Variants in SLK observed in about 807,000 individuals in gnomAD.
SLK encodes the protein STE20-like serine/threonine-protein kinase.
In SLK, 67 loss-of-function variants were observed where a neutral mutation model predicts 147.7. The ratio of observed to expected loss-of-function variants is 0.45; its 90% CI spans 0.37 to 0.56. The LOEUF (loss-of-function observed/expected upper bound fraction) is 0.56, where lower values mean the gene tolerates loss of function less well. SLK is among the 20% of genes least tolerant of loss of function. The pLI, the probability that SLK is intolerant of heterozygous loss-of-function variation, is 0.00. For missense variants in SLK, 1,136 were observed against 1,438.8 expected, an observed-to-expected ratio of 0.79 and a Z score of 3.41; for synonymous variants, 441 against 475.0, an observed-to-expected ratio of 0.93 and a Z score of 0.93.
chr10:103,993,275 T>C lies in SLK; in HGVS notation c.514+142T>C, dbSNP rs189226772. On this transcript the variant is annotated intron_variant, in intron 4 of 18. Coordinates refer to ENST00000369755, the MANE Select transcript of SLK (RefSeq NM_014720.4). ...TCCATGCTGGTTTTTAAAAAACACT[T>C]TTTTAGGTAAATACTCATTTTTCTA... The C allele has an allele frequency of 6.3e-5, 31 of 493,104 alleles. No homozygotes were observed. The Admixed American group carries it at 1.1e-3, about 17-fold the overall frequency. The allele number at this position is 493,104 out of a possible 1,614,324, so 30.5% of individuals were successfully genotyped here. A position where few individuals can be genotyped will look rare whatever the true frequency, so the allele number is the denominator to read the frequency against.
intron 2 of SLK, among the ~76,000 whole-genome samples, chr10:103,991,465 GTCTT>G (rs1165407536): frequency 3.9e-5 from 6 of 152,168 alleles, no homozygotes; most frequent in Middle Eastern, 6.8e-3. Flanking sequence ...TGCAGCTTCA[GTCTT>G]TCTTCCTGAA....
At chr10:104,001,334 C>T (rs1309313126) in intron 7 of SLK, 110 bp from the exon 8 acceptor site, 3 of 836,318 alleles carry the variant, frequency 3.6e-6, no homozygotes, top group East Asian at 2.5e-5. Context: ...TGTCATTTTC[C>T]TGCCCACATG....
chr10:104,009,990 T>C lies in SLK; in HGVS notation c.2785-826T>C, dbSNP rs1301048242. Among the ~76,000 whole-genome samples, 5 of 152,190 alleles carry C rather than the reference T, an allele frequency of 3.3e-5. No individual in the cohort carries two copies. The East Asian group carries it at 9.6e-4, about 29-fold the overall frequency. ...TTCTACTTGTAAACACATGATTGTT[T>C]TTCATAGTTGGATTACAGATCTATT... On this transcript the variant is annotated intron_variant, in intron 12 of 18. Transcript: ENST00000369755.
In SLK at chr10:104,015,493, T is replaced by C. The variant is rs1844451252; in HGVS notation, c.2878-2667T>C. ...TTTTCTGTGGTTTACTTTTGAACTT[T>C]TAAAAATGTGATACTAAGGGAAGGG... On this transcript the variant is annotated intron_variant, in intron 13 of 18. Coordinates refer to ENST00000369755, the MANE Select transcript of SLK (RefSeq NM_014720.4). Among the ~76,000 whole-genome samples the C allele has an allele frequency of 2.0e-5, 3 of 152,214 alleles. No homozygotes were observed. The South Asian group carries it at 6.2e-4, about 32-fold the overall frequency.
chr10:103,967,908 A>G lies in SLK; in HGVS notation c.150+13A>G. The G allele has an allele frequency of 1.9e-6, 3 of 1,612,312 alleles. No individual in the cohort carries two copies. Among genetic ancestry groups the G allele is most frequent in the Non-Finnish European group, 2.5e-6 (3 of 1,178,908 alleles). ...GAAAGTGTACAAGGTAAGAGGGGGA[A>G]AACGGGAAGTTGTACTGCGAAGGTA... On this transcript the variant is annotated intron_variant, in intron 1 of 18. Coordinates refer to ENST00000369755, the MANE Select transcript of SLK (RefSeq NM_014720.4).
chr10:103,998,937 C>T lies in SLK; in HGVS notation c.553C>T (p.Gln185Ter). 1 of 1,611,646 alleles carries T rather than the reference C, an allele frequency of 6.2e-7. No individual in the cohort carries two copies. ...GVSAKNTRTI[Q>*]RRDSFIGTPY... The stretch of plus-strand genomic sequence containing the variant: ...ATCAGCTAAAAACACGAGGACAATT[C>T]AAAGAAGAGATTCCTTTATTGGTAC... The change falls in exon 5 of 19, where the codon CAA (glutamine) becomes TAA (stop). Residue 185 changes from glutamine (Q) to a stop codon, truncating the protein, a stop_gained. Coordinates refer to ENST00000369755, the MANE Select transcript of SLK (RefSeq NM_014720.4). LOFTEE classifies it high-confidence loss of function.
chr10:103,967,974 C>G, intron 1 of SLK, 79 bp downstream of exon 1: 2 of 1,428,160 alleles, frequency 1.4e-6, no homozygotes, highest in Non-Finnish European at 2.0e-6. Flanking sequence ...ACTTCTGCTC[C>G]CCTGGTCCTT....
At chr10:103,990,992 TA>T (rs1844085755) in intron 2 of SLK, among the ~76,000 whole-genome samples, 153 bp downstream of exon 2, 1 of 152,186 alleles carries the variant, frequency 6.6e-6, no homozygotes, top group East Asian at 1.9e-4. Context: ...GATAAGAGAG[TA>T]ATAACAAAGT....
intron 1 of SLK, among the ~76,000 whole-genome samples, chr10:103,975,080 C>T (rs1179595389): frequency 6.6e-6 from 1 of 151,746 alleles, no homozygotes; most frequent in African/African-American, 2.4e-5. Context: ...TGTGGGAATT[C>T]CACAGGGCTT....
intron 9 of SLK, 145 bp downstream of exon 9, chr10:104,003,672 T>A: frequency 2.8e-6 from 2 of 723,406 alleles, no homozygotes; most frequent in Non-Finnish European, 4.3e-6. Flanking sequence ...TGAAAGCAAT[T>A]AAAAAGAACT....
chr10:104,019,789 G>T lies in SLK; in HGVS notation c.3188G>T (p.Arg1063Ile). 1 of 1,614,054 alleles carries T rather than the reference G, an allele frequency of 6.2e-7. No homozygotes were observed. Residue 1063 changes from arginine to isoleucine, a missense_variant, in exon 16 of 19, where the codon AGA (arginine) becomes ATA (isoleucine). Physicochemically the swap from Arg to Ile is moderately conservative, Grantham distance 97. Transcript: ENST00000369755. ...AGACTTATTGAGGAATTGAAAAACA[G>T]ACAGACTCAAGAAAGAGCAAGACTG... ...NQRLIEELKNRQTQERARLPK... is the reference protein window; with the variant it reads ...NQRLIEELKNIQTQERARLPK...
Position 104,003,533 on chromosome 10 carries a change from T to C in SLK, c.2349+6T>C, listed in dbSNP as rs1447375009. The C allele has an allele frequency of 6.5e-7, 1 of 1,528,468 alleles. No individual in the cohort carries two copies. The allele number at this position is 1,528,468 out of a possible 1,614,324, so 94.7% of individuals were successfully genotyped here. A position where few individuals can be genotyped will look rare whatever the true frequency, so the allele number is the denominator to read the frequency against. ...GTGGATCGATATCTTTACAAGTAAGTGTACATGAGTCATTGTTTGGGTTTT... is the reference window on the plus strand; with the variant it reads ...GTGGATCGATATCTTTACAAGTAAGCGTACATGAGTCATTGTTTGGGTTTT... On this transcript the variant is annotated splice_donor_region_variant and intron_variant, in intron 9 of 18. Coordinates refer to ENST00000369755, the MANE Select transcript of SLK (RefSeq NM_014720.4).
rs1589534179 is a variant in SLK, at chr10:103,995,445, T to G, written c.514+2312T>G. On this transcript the variant is annotated intron_variant, in intron 4 of 18. Transcript: ENST00000369755. ...TTTCTTTTTTTTTTTTTTTTTTTTT[T>G]GAGTCAAAGTCTTGCTCTGTTGCCC... 8.4e-5 allele frequency among the ~76,000 whole-genome samples: 12 copies of G among 143,284 alleles called. No homozygotes were observed. The South Asian group carries it at 2.7e-3, about 32-fold the overall frequency. The allele number at this position is 143,284 out of a possible 152,430, so 94.0% of individuals were successfully genotyped here. A position where few individuals can be genotyped will look rare whatever the true frequency, so the allele number is the denominator to read the frequency against.
chr10:103,998,865 G>C, intron 4 of SLK, 34 bp from the exon 5 acceptor site: 1 of 1,510,342 alleles, frequency 6.6e-7, no homozygotes. Context: ...ATGCTTAAAA[G>C]TTCTCATTAA....
At chr10:104,017,821 A>G (rs1358390794) in intron 13 of SLK, among the ~76,000 whole-genome samples, 1 of 152,196 alleles carries the variant, frequency 6.6e-6, no homozygotes, top group African/African-American at 2.4e-5. Context: ...TAGTCACACC[A>G]TAGTGGAATG....
intron 3 of SLK, among the ~76,000 whole-genome samples, 163 bp from the exon 4 acceptor site, chr10:103,992,821 G>C (rs1447757924): frequency 1.7e-5 from 1 of 60,420 alleles, no homozygotes; most frequent in Non-Finnish European, 4.7e-5. Context: ...AAAATGAAAT[G>C]TTGAGTGTGT....
Position 104,002,704 on chromosome 10 carries a change from A to G in SLK, c.1526A>G (p.Lys509Arg). Residue 509 changes from lysine to arginine, a missense_variant, in exon 9 of 19, where the codon AAA becomes AGA. Lys to Arg is a conservative substitution (Grantham distance 26). Coordinates refer to ENST00000369755, the MANE Select transcript of SLK (RefSeq NM_014720.4). ...VDLVSQETGEKEANIQAVDSE... is the reference protein window; with the variant it reads ...VDLVSQETGEREANIQAVDSE... ...TTAGTTTCTCAAGAGACTGGAGAAA[A>G]AGAGGCAAATATTCAGGCAGTTGAT... The G allele has an allele frequency of 6.2e-7, 1 of 1,612,124 alleles. No homozygotes were observed. Among genetic ancestry groups the G allele is most frequent in the Non-Finnish European group, 8.5e-7 (1 of 1,179,354 alleles).
chr10:103,967,641 G>T lies in SLK; in HGVS notation c.-105G>T, dbSNP rs1381467931. On this transcript the variant is annotated 5_prime_UTR_variant, in exon 1 of 19. Transcript: ENST00000369755. ...AGCTGCGGGGGCCGAGGGACGCCGCGCCCGCCGCCGCCAGCCGGGCTCGCG... is the reference window on the plus strand; with the variant it reads ...AGCTGCGGGGGCCGAGGGACGCCGCTCCCGCCGCCGCCAGCCGGGCTCGCG... The T allele has an allele frequency of 1.9e-5, 20 of 1,040,686 alleles. No individual in the cohort carries two copies. The highest frequency in any genetic ancestry group is 3.4e-5 in the African/African-American group (2 of 59,048). The allele number at this position is 1,040,686 out of a possible 1,614,324, so 64.5% of individuals were successfully genotyped here.
In SLK at chr10:104,002,707, A is replaced by T; in HGVS notation, c.1529A>T (p.Glu510Val). The T allele has an allele frequency of 6.2e-7, 1 of 1,612,222 alleles. No individual in the cohort carries two copies. The highest frequency in any genetic ancestry group is 8.5e-7 in the Non-Finnish European group (1 of 1,179,382). The change falls in exon 9 of 19, where the codon GAG becomes GTG. Residue 510 changes from glutamate to valine, a missense_variant. Physicochemically the swap from Glu to Val is moderately radical, Grantham distance 121. Coordinates refer to ENST00000369755, the MANE Select transcript of SLK (RefSeq NM_014720.4). ...GTTTCTCAAGAGACTGGAGAAAAAG[A>T]GGCAAATATTCAGGCAGTTGATAGT... ...DLVSQETGEK[E>V]ANIQAVDSEV...
Sources: gnomAD v4.1 joint callset for allele counts (sites outside exome capture counted in the v4.1 genomes callset) on GRCh38, gnomAD v4.1.1 for gene constraint, MANE v1.5 for transcripts, NCBI Gene and HGNC (gene_info 2026-07-23, HGNC 2026-07-21) for gene names.